Variants in DLGAP5 observed in about 807,000 individuals in gnomAD.
The protein encoded by DLGAP5 is DLG associated protein 5, also known as disks large-associated protein 5.
DLGAP5 carries 90 observed loss-of-function variants against 99.6 expected under a neutral mutation model. That is an observed-to-expected ratio of 0.90 (90% CI 0.76 to 1.08). DLGAP5 has a LOEUF of 1.08. Among genes scored for constraint, DLGAP5 ranks in the 50% least tolerant of loss-of-function variants. The pLI, the probability that DLGAP5 is intolerant of heterozygous loss-of-function variation, is 0.00. For missense variants in DLGAP5, 1,036 were observed against 983.5 expected, an observed-to-expected ratio of 1.05 and a Z score of -0.71; for synonymous variants, 311 against 321.3, an observed-to-expected ratio of 0.97 and a Z score of 0.34.
intron 18 of DLGAP5, 25 bp from the exon 19 acceptor site, chr14:55,148,498 A>G (rs201353894): frequency 1.6e-4 from 252 of 1,613,530 alleles, no homozygotes; most frequent in Non-Finnish European, 1.9e-4. Context: ...CAGAGAAGTC[A>G]GTAAAGTATC....
intron 5 of DLGAP5, 142 bp downstream of exon 5, chr14:55,181,071 T>G: frequency 1.2e-6 from 1 of 803,252 alleles, no homozygotes; most frequent in South Asian, 1.8e-5. Context: ...GCTATGATTG[T>G]GCCACTGCAC....
intron 1 of DLGAP5, among the ~76,000 whole-genome samples, chr14:55,190,289 T>TATACACACACACAC (rs1555330252): frequency 1.2e-4 from 18 of 147,304 alleles, no homozygotes; most frequent in African/African-American, 4.5e-4. Flanking sequence ...AGAAAAGCCA[T>TATACACACACACAC]ACACACACAC....
chr14:55,168,270 A>G lies in DLGAP5; in HGVS notation c.1548+1129T>C, dbSNP rs564908973. Among the ~76,000 whole-genome samples the G allele has an allele frequency of 2.0e-5, 3 of 152,202 alleles. No homozygotes were observed. The East Asian group carries it at 5.8e-4, about 29-fold the overall frequency. On this transcript the variant is annotated intron_variant, in intron 12 of 18. Coordinates refer to ENST00000247191, the MANE Select transcript of DLGAP5 (RefSeq NM_014750.5). ...GCCTGGCTGAGATTTCCTTAACTTCATATTCTACCTATTGTATCTTACATT... is the reference window on the plus strand; with the variant it reads ...GCCTGGCTGAGATTTCCTTAACTTCGTATTCTACCTATTGTATCTTACATT...
intron 14 of DLGAP5, among the ~76,000 whole-genome samples, chr14:55,157,256 T>C (rs959704045): frequency 6.6e-6 from 1 of 152,178 alleles, no homozygotes; most frequent in Non-Finnish European, 1.5e-5. Context: ...GAGTTGAGTA[T>C]ATGAAAGAAC....
chr14:55,169,175 CAAAA>C (rs34906311), intron 12 of DLGAP5, among the ~76,000 whole-genome samples: 2 of 63,906 alleles, frequency 3.1e-5, no homozygotes, highest in Non-Finnish European at 3.4e-5. Context: ...GACTCCGTCT[CAAAA>C]AAAAAAAAAA....
rs749185762 is a variant in DLGAP5, at chr14:55,150,834, T to C, written c.2383A>G (p.Lys795Glu). 7.6e-6 allele frequency: 12 copies of C among 1,584,496 alleles called. No homozygotes were observed. The East Asian group carries it at 2.5e-4, about 33-fold the overall frequency. Residue 795 changes from lysine to glutamate, a missense_variant, in exon 18 of 19, where the codon AAA becomes GAA. Coordinates refer to ENST00000247191, the MANE Select transcript of DLGAP5 (RefSeq NM_014750.5). ...AGGTGGCATTCAGTAGTGAGACTTT[T>C]ATTATCAAATAGTTCTGAAAAACAA... ...KISQSELFDN[K>E]SLTTECHLLD...
Position 55,170,742 on chromosome 14 carries a change from G to C in DLGAP5, c.1347C>G (p.Phe449Leu). 3 of 1,613,636 alleles carry C rather than the reference G, an allele frequency of 1.9e-6. No homozygotes were observed. The highest frequency in any genetic ancestry group is 2.5e-6 in the Non-Finnish European group (3 of 1,179,720). ...SETEKLTSHC[F>L]EWDRKLELDI... ...CCAATTCAAGTTTCCTGTCCCACTC[G>C]AAGCAATGTGAAGTTAATTTCTCAG... is the stretch of plus-strand genomic sequence containing the variant. Residue 449 changes from phenylalanine to leucine, a missense_variant, in exon 11 of 19, where the codon TTC (phenylalanine) becomes TTG (leucine). Phe to Leu is a conservative substitution (Grantham distance 22, BLOSUM62 0). Coordinates refer to ENST00000247191, the MANE Select transcript of DLGAP5 (RefSeq NM_014750.5).
chr14:55,173,585 T>C (rs1399374014), intron 10 of DLGAP5, among the ~76,000 whole-genome samples: 2 of 132,666 alleles, frequency 1.5e-5, no homozygotes, highest in Non-Finnish European at 3.0e-5. Flanking sequence ...TAGATATATG[T>C]TGTCTCTCTC....
intron 10 of DLGAP5, among the ~76,000 whole-genome samples, chr14:55,174,234 T>C (rs527475829): frequency 1.3e-5 from 2 of 152,300 alleles, no homozygotes; most frequent in East Asian, 3.9e-4. Context: ...CAGTCTCCCA[T>C]AGCGCTCCCA....
At chr14:55,167,298 T>G (rs559026554) in intron 12 of DLGAP5, among the ~76,000 whole-genome samples, 8 of 151,410 alleles carry the variant, frequency 5.3e-5, no homozygotes, top group Non-Finnish European at 1.0e-4. Context: ...CATATCATAC[T>G]TTTAAATCTG....
chr14:55,157,822 G>T (rs1357646534), intron 14 of DLGAP5, among the ~76,000 whole-genome samples: 2 of 152,208 alleles, frequency 1.3e-5, no homozygotes. Flanking sequence ...GAGTGCAGGG[G>T]CACAATCATA....
In DLGAP5 at chr14:55,169,518, G is replaced by A. The variant is rs1228044396; in HGVS notation, c.1429C>T (p.Leu477Phe). Residue 477 changes from leucine (L) to phenylalanine (F), a missense_variant, in exon 12 of 19, where the codon CTT (leucine) becomes TTT (phenylalanine). Coordinates refer to ENST00000247191, the MANE Select transcript of DLGAP5 (RefSeq NM_014750.5). ...AACTGTTTAAACCTTTCCTTCATAA[G>A]GAGTCTTGTTTGACCAACTGCTGTG... ...IRTAVGQTRL[L>F]MKERFKQFEG... 1 of 1,605,128 alleles carries A rather than the reference G, an allele frequency of 6.2e-7. No homozygotes were observed. The highest frequency in any genetic ancestry group is 1.3e-5 in the African/African-American group (1 of 74,408).
rs753083958 is a variant in DLGAP5 at position 55,154,856 on chromosome 14, C to T, written c.1874-50G>A. ...AATACCAAATAGTTCTTTTGCTTTT[C>T]ATTATAACTAGGAATACGGTGAAAA... On this transcript the variant is annotated intron_variant, in intron 14 of 18. Coordinates refer to ENST00000247191, the MANE Select transcript of DLGAP5 (RefSeq NM_014750.5). 14 of 1,503,726 alleles carry T rather than the reference C, an allele frequency of 9.3e-6. No homozygotes were observed. In the Admixed American group the frequency reaches 1.8e-4, roughly 19 times the overall value. 93.1% of individuals were successfully genotyped at this position (1,503,726 alleles called of 1,614,324 possible).
chr14:55,189,964 A>G (rs1385576204), intron 1 of DLGAP5, among the ~76,000 whole-genome samples: 2 of 152,128 alleles, frequency 1.3e-5, no homozygotes, highest in Admixed American at 6.6e-5. Flanking sequence ...ACCAGCCCCA[A>G]TCCTGAAGCT....
chr14:55,150,869 AC>A, intron 17 of DLGAP5, 21 bp from the exon 18 acceptor site: 1 of 1,336,484 alleles, frequency 7.5e-7, no homozygotes, highest in Non-Finnish European at 1.0e-6. Context: ...ACAAAAAAAA[AC>A]TTTTTAAAGA....
chr14:55,148,657 C>A (rs1881906253), intron 18 of DLGAP5, 184 bp from the exon 19 acceptor site: 2 of 1,272,396 alleles, frequency 1.6e-6, no homozygotes, highest in African/African-American at 3.0e-5. Context: ...ACTTCAAGAC[C>A]AGCCCGAGCA....
At chr14:55,184,677 C>T (rs1015054820) in intron 2 of DLGAP5, among the ~76,000 whole-genome samples, 2 of 152,126 alleles carry the variant, frequency 1.3e-5, no homozygotes, top group Non-Finnish European at 2.9e-5. Context: ...CATGTGGGGC[C>T]TTAAGAAGAC....
intron 12 of DLGAP5, among the ~76,000 whole-genome samples, chr14:55,165,193 T>TA (rs1438496229): frequency 6.6e-6 from 1 of 152,044 alleles, no homozygotes; most frequent in Non-Finnish European, 1.5e-5. Context: ...CACAAAAAGA[T>TA]ACTTAATATC....
intron 2 of DLGAP5, among the ~76,000 whole-genome samples, chr14:55,188,362 A>G (rs138127486): frequency 3.9e-4 from 60 of 152,224 alleles, no homozygotes; most frequent in African/African-American, 1.1e-3. Flanking sequence ...AATGGTCCCA[A>G]TCCTTCTGGG....
Sources: gnomAD v4.1 joint callset for allele counts (sites outside exome capture counted in the v4.1 genomes callset) on GRCh38, gnomAD v4.1.1 for gene constraint, MANE v1.5 for transcripts, NCBI Gene and HGNC (gene_info 2026-07-23, HGNC 2026-07-21) for gene names.